The following CNBD1 variants were observed in gnomAD, a reference collection of about 807,000 sequenced individuals.
CNBD1 encodes cyclic nucleotide binding domain containing 1.
In CNBD1, 71 loss-of-function variants were observed where a neutral mutation model predicts 54.4. The observed-to-expected ratio is 1.30, with a 90% CI of 1.08 to 1.59. The LOEUF (loss-of-function observed/expected upper bound fraction) is 1.59, where lower values mean the gene tolerates loss of function less well. CNBD1 is among the 40% of genes most tolerant of loss of function. The pLI, the probability that CNBD1 is intolerant of heterozygous loss-of-function variation, is 0.00. For synonymous variants in CNBD1, 182 were observed against 170.7 expected, an observed-to-expected ratio of 1.07 and a Z score of -0.51; for missense variants, 659 against 518.0, an observed-to-expected ratio of 1.27 and a Z score of -2.64.
chr8:87,242,581 C>T (rs1807729619), intron 6 of CNBD1, among the ~76,000 whole-genome samples: 1 of 152,072 alleles, frequency 6.6e-6, no homozygotes, highest in South Asian at 2.1e-4. Context: ...CTTAGAAGGC[C>T]CCTCTTCAAG....
chr8:87,345,702 G>A (rs2130923265), intron 8 of CNBD1, among the ~76,000 whole-genome samples: 1 of 152,108 alleles, frequency 6.6e-6, no homozygotes, highest in Admixed American at 6.5e-5. Flanking sequence ...GAAAATGCAA[G>A]CTCTTTATGA....
At chr8:87,387,072 C>T (rs906917335), downstream of CNBD1, among the ~76,000 whole-genome samples, 2 of 152,150 alleles carry the variant, frequency 1.3e-5, no homozygotes. Flanking sequence ...ATTCTGTCAC[C>T]ACCAGGCCTG....
At chr8:87,423,883 T>G (rs1461142199) in intron 2 of CNBD1, among the ~76,000 whole-genome samples, 2 of 152,232 alleles carry the variant, frequency 1.3e-5, no homozygotes, top group Non-Finnish European at 2.9e-5. Context: ...CTGGTAGAAT[T>G]TGGCTGTGAA....
intron 3 of CNBD1, among the ~76,000 whole-genome samples, chr8:86,929,030 G>T (rs1407542627): frequency 6.6e-6 from 1 of 152,190 alleles, no homozygotes. Flanking sequence ...CTTGGAGAGG[G>T]TTGTTCCATA....
intron 8 of CNBD1, among the ~76,000 whole-genome samples, chr8:87,347,701 A>G (rs543642193): frequency 1.3e-5 from 2 of 152,178 alleles, no homozygotes; most frequent in Non-Finnish European, 2.9e-5. Flanking sequence ...TGGGCTGGAC[A>G]TCAAATCTGG....
chr8:86,998,248 T>C (rs1175361331), intron 4 of CNBD1, among the ~76,000 whole-genome samples: 1 of 151,960 alleles, frequency 6.6e-6, no homozygotes, highest in East Asian at 1.9e-4. Context: ...TTATTAACAT[T>C]GAACTCACAG....
intron 6 of CNBD1, among the ~76,000 whole-genome samples, chr8:87,266,723 A>T (rs1412518832): frequency 6.6e-6 from 1 of 151,988 alleles, no homozygotes; most frequent in Non-Finnish European, 1.5e-5. Context: ...AAGTGCTGGG[A>T]TTACAGGCTT....
At chr8:87,397,563 G>C (rs1267916674) in intron 2 of CNBD1, among the ~76,000 whole-genome samples, 2 of 152,034 alleles carry the variant, frequency 1.3e-5, no homozygotes, top group South Asian at 2.1e-4. Flanking sequence ...AAGAGTGCTA[G>C]AAATGTAGTG....
chr8:86,869,851 T>G (rs1808417009), intron 1 of CNBD1, among the ~76,000 whole-genome samples: 1 of 152,188 alleles, frequency 6.6e-6, no homozygotes, highest in Non-Finnish European at 1.5e-5. Context: ...AATTCTTATT[T>G]TAAAAAATTT....
intron 4 of CNBD1, among the ~76,000 whole-genome samples, chr8:87,079,678 G>A (rs1810946855): frequency 6.6e-6 from 1 of 151,816 alleles, no homozygotes; most frequent in Non-Finnish European, 1.5e-5. Flanking sequence ...TTATATAGTT[G>A]TTTCTTTTTT....
At chr8:87,340,461 T>C (rs1469226694) in intron 8 of CNBD1, among the ~76,000 whole-genome samples, 2 of 152,174 alleles carry the variant, frequency 1.3e-5, no homozygotes, top group Admixed American at 1.3e-4. Context: ...TTTGGAAAGT[T>C]TTCAGCCCTT....
chr8:87,175,605 A>G (rs1813181084), intron 4 of CNBD1, among the ~76,000 whole-genome samples: 1 of 152,194 alleles, frequency 6.6e-6, no homozygotes, highest in Admixed American at 6.5e-5. Context: ...AAGAAGCAAG[A>G]CAATAGTCTT....
intron 10 of CNBD1, among the ~76,000 whole-genome samples, chr8:87,379,323 G>C (rs994793552): frequency 2.6e-4 from 40 of 151,914 alleles, no homozygotes; most frequent in African/African-American, 9.4e-4. Flanking sequence ...ACAGATCAAC[G>C]AGACAGAAAG....
intron 8 of CNBD1, among the ~76,000 whole-genome samples, chr8:87,335,302 G>T (rs1265965960): frequency 1.3e-5 from 2 of 152,024 alleles, no homozygotes; most frequent in African/African-American, 2.4e-5. Context: ...TTGACAGTGG[G>T]GTGTTAAAGT....
chr8:86,952,757 C>T (rs1807657605), intron 4 of CNBD1, among the ~76,000 whole-genome samples: 3 of 152,024 alleles, frequency 2.0e-5, no homozygotes, highest in Admixed American at 2.0e-4. Context: ...GATGTGATAA[C>T]TTTTGACACG....
intron 6 of CNBD1, among the ~76,000 whole-genome samples, chr8:87,251,533 A>G (rs1807917120): frequency 6.6e-6 from 1 of 151,182 alleles, no homozygotes; most frequent in Non-Finnish European, 1.5e-5. Context: ...GGTTGCAGTG[A>G]GCCAAGATTG....
chr8:87,321,305 C>T (rs994773940), intron 8 of CNBD1, among the ~76,000 whole-genome samples: 15 of 152,270 alleles, frequency 9.9e-5, no homozygotes, highest in Non-Finnish European at 1.0e-4. Flanking sequence ...ACAGTATGCA[C>T]GAGTTTCAAT....
chr8:87,051,840 C>T (rs981617146), intron 4 of CNBD1, among the ~76,000 whole-genome samples: 1 of 152,106 alleles, frequency 6.6e-6, no homozygotes, highest in African/African-American at 2.4e-5. Context: ...TTGTTTATGG[C>T]CAGTTTTGTG....
chr8:87,161,773 C>T (rs1812863308), intron 4 of CNBD1, among the ~76,000 whole-genome samples: 1 of 152,094 alleles, frequency 6.6e-6, no homozygotes, highest in African/African-American at 2.4e-5. Context: ...TATGTAAGCA[C>T]ATATCCACAT....
Sources: gnomAD v4.1 joint callset for allele counts (sites outside exome capture counted in the v4.1 genomes callset) on GRCh38, gnomAD v4.1.1 for gene constraint, MANE v1.5 for transcripts, NCBI Gene and HGNC (gene_info 2026-07-23, HGNC 2026-07-21) for gene names.